GRK5: variants seen among roughly 807,000 people sequenced by gnomAD.
GRK5 encodes g protein-coupled receptor kinase GRK5.
Under a neutral mutation model 78.4 loss-of-function variants are expected in GRK5, and 40 were observed. The observed-to-expected ratio is 0.51, with a 90% CI of 0.40 to 0.66. The LOEUF is 0.66. GRK5 is among the 30% of genes least tolerant of loss of function. The pLI is 0.00. For missense variants in GRK5, 598 were observed against 759.9 expected (o/e 0.79, Z 2.50); for synonymous variants, 289 against 296.8 (o/e 0.97, Z 0.27).
At chr10:119,282,583 G>A (rs776933998) in intron 1 of GRK5, among the ~76,000 whole-genome samples, 3 of 152,208 alleles carry the variant, frequency 2.0e-5, no homozygotes, top group Non-Finnish European at 4.4e-5. Context: ...ATGGGCTCAT[G>A]GGCAGATGGA....
At position 119,369,960 on chromosome 10, in the gene GRK5, C is replaced by A. The variant is rs4372361; in HGVS notation, c.149-10855C>A. 1.5e-3 allele frequency among the ~76,000 whole-genome samples: 231 copies of A among 152,244 alleles called. 2 individuals carry two copies. Among genetic ancestry groups the A allele is most frequent in the African/African-American group, 5.3e-3 (222 of 41,568 alleles). ...GCCCATTCCCACTGCAAGGAGATAT[C>A]TAAATTGTTTGCCTTTTTTGTCCTT... On this transcript the variant is annotated intron_variant, in intron 2 of 15. Transcript: ENST00000392870.
At chr10:119,326,644 G>A (rs775497739) in intron 2 of GRK5, 33 bp downstream of exon 2, 2 of 1,516,304 alleles carry the variant, frequency 1.3e-6, no homozygotes, top group Non-Finnish European at 9.2e-7. Flanking sequence ...TGTGCGGGGA[G>A]TGAGTAGCAG....
intron 4 of GRK5, among the ~76,000 whole-genome samples, chr10:119,419,029 G>A (rs1260384902): frequency 6.6e-6 from 1 of 152,238 alleles, no homozygotes; most frequent in East Asian, 1.9e-4. Context: ...GTGCTGCCCA[G>A]CCATAGCTCT....
chr10:119,355,051 A>G (rs966999536), intron 2 of GRK5, among the ~76,000 whole-genome samples: 1 of 152,162 alleles, frequency 6.6e-6, no homozygotes, highest in African/African-American at 2.4e-5. Flanking sequence ...TCATCTCTAG[A>G]TTACTTCTAA....
In GRK5 at chr10:119,458,396, T is replaced by G. The variant is rs3009897; in HGVS notation, c.*3329T>G. On this transcript the variant is annotated 3_prime_UTR_variant, in exon 16 of 16. Coordinates refer to ENST00000392870, the MANE Select transcript of GRK5 (RefSeq NM_005308.3). ...CCGCCTTGCGGACGATGCACTCACA[T>G]GCCACAGCAACCCATTCTCGCCTCT... is the stretch of plus-strand genomic sequence containing the variant. 1.3e-5 allele frequency: 2 copies of G among 152,300 alleles called. No homozygotes were observed. Among genetic ancestry groups the G allele is most frequent in the Admixed American group, 1.3e-4 (2 of 15,282 alleles). The allele number at this position is 152,300 out of a possible 1,614,324, so 9.4% of individuals were successfully genotyped here. A position where few individuals can be genotyped will look rare whatever the true frequency, so the allele number is the denominator to read the frequency against.
intron 2 of GRK5, among the ~76,000 whole-genome samples, chr10:119,362,552 G>A (rs1851383316): frequency 1.3e-5 from 2 of 152,200 alleles, no homozygotes; most frequent in Admixed American, 6.5e-5. Flanking sequence ...CTTTCAATGT[G>A]GTTTATCCAG....
Position 119,457,623 on chromosome 10 carries a change from G to C in GRK5, c.*2556G>C, listed in dbSNP as rs980219353. ...GGGAATCAGCCCTTCTCCCTACTGA[G>C]TCCCCAGTCCTGTCCCTTCCCTGAC... On this transcript the variant is annotated 3_prime_UTR_variant, in exon 16 of 16. Transcript: ENST00000392870. The C allele has an allele frequency of 2.6e-5, 4 of 151,586 alleles. No homozygotes were observed. Among genetic ancestry groups the C allele is most frequent in the African/African-American group, 9.7e-5 (4 of 41,198 alleles). The allele number at this position is 151,586 out of a possible 1,614,324, so 9.4% of individuals were successfully genotyped here.
At chr10:119,443,444 G>A (rs1853078252) in intron 11 of GRK5, 100 bp from the exon 12 acceptor site, 2 of 1,058,650 alleles carry the variant, frequency 1.9e-6, no homozygotes, top group Non-Finnish European at 2.8e-6. Flanking sequence ...AGTTGGTGGG[G>A]TAAGAGTTGG....
chr10:119,406,940 T>A (rs1186471884), intron 4 of GRK5, among the ~76,000 whole-genome samples: 3 of 152,194 alleles, frequency 2.0e-5, no homozygotes, highest in Non-Finnish European at 2.9e-5. Context: ...AACTTCATAT[T>A]CCATGTTTTG....
At chr10:119,390,921 T>A (rs555657226) in intron 3 of GRK5, among the ~76,000 whole-genome samples, 9 of 150,714 alleles carry the variant, frequency 6.0e-5, no homozygotes, top group African/African-American at 2.2e-4. Flanking sequence ...TCCCCTGAGA[T>A]GGGCGAGCCT....
chr10:119,301,658 C>A (rs1206198321), intron 1 of GRK5, among the ~76,000 whole-genome samples: 1 of 152,210 alleles, frequency 6.6e-6, no homozygotes, highest in Non-Finnish European at 1.5e-5. Flanking sequence ...TCTCTTTAGT[C>A]TTCCAGAAGC....
At chr10:119,215,347 G>C (rs906689889) in intron 1 of GRK5, among the ~76,000 whole-genome samples, 3 of 151,988 alleles carry the variant, frequency 2.0e-5, no homozygotes, top group African/African-American at 4.8e-5. Flanking sequence ...CATTTAGTGA[G>C]TGTGATAACC....
Position 119,430,557 on chromosome 10 carries a change from T to C in GRK5, c.597+119T>C. On this transcript the variant is annotated intron_variant, in intron 7 of 15. Transcript: ENST00000392870. This position sits in a 1 kb window ranked among gnomAD's most constrained non-coding sequence, Gnocchi z 4.5. ...TCCCCCGGGGGCACCAGTGGCTCAA[T>C]GTGGGCCCCGGGGGCAGTGAGGGTG... 1.2e-6 allele frequency: 1 copy of C among 802,684 alleles called. No homozygotes were observed. Among genetic ancestry groups the C allele is most frequent in the African/African-American group, 1.7e-5 (1 of 57,640 alleles). 49.7% of individuals were successfully genotyped at this position (802,684 alleles called of 1,614,324 possible).
At chr10:119,343,991 G>T (rs1318815119) in intron 2 of GRK5, among the ~76,000 whole-genome samples, 3 of 151,972 alleles carry the variant, frequency 2.0e-5, no homozygotes, top group Admixed American at 6.5e-5. Context: ...TAGCGCTAAG[G>T]CTCAGGTAAT....
intron 1 of GRK5, among the ~76,000 whole-genome samples, chr10:119,208,250 G>T (rs546220612): frequency 6.6e-6 from 1 of 152,356 alleles, no homozygotes; most frequent in Non-Finnish European, 1.5e-5. Flanking sequence ...CTCGGCAGCT[G>T]TTGAAAGGTC....
intron 3 of GRK5, among the ~76,000 whole-genome samples, chr10:119,390,730 T>G (rs562752083): frequency 2.0e-5 from 3 of 152,166 alleles, no homozygotes; most frequent in Admixed American, 2.0e-4. Flanking sequence ...TCAGATCTCG[T>G]GAGACTTATT....
chr10:119,266,782 T>A (rs1341104811), intron 1 of GRK5, among the ~76,000 whole-genome samples: 1 of 151,366 alleles, frequency 6.6e-6, no homozygotes, highest in African/African-American at 2.4e-5. Context: ...AGTTTTTTTT[T>A]TTTTTTTATG....
intron 1 of GRK5, among the ~76,000 whole-genome samples, chr10:119,275,743 G>A (rs148785994): frequency 1.4e-4 from 21 of 152,202 alleles, no homozygotes; most frequent in East Asian, 9.7e-4. Context: ...AGATGGGTGC[G>A]TTTGGAAGGC....
chr10:119,444,953 T>C (rs1379390610), intron 12 of GRK5, among the ~76,000 whole-genome samples: 1 of 152,240 alleles, frequency 6.6e-6, no homozygotes, highest in Non-Finnish European at 1.5e-5. Flanking sequence ...CAGGAGGGTC[T>C]GGCTCGGCTC....
Sources: gnomAD v4.1 joint callset for allele counts (sites outside exome capture counted in the v4.1 genomes callset) on GRCh38, gnomAD v4.1.1 for gene constraint, Gnocchi (gnomAD v3.1) non-coding constraint, MANE v1.5 for transcripts, NCBI Gene and HGNC (gene_info 2026-07-23, HGNC 2026-07-21) for gene names.